Variants in ZNF18 observed in about 807,000 individuals in gnomAD.
The protein encoded by ZNF18 is heart development-specific gene 1 protein.
A neutral mutation model predicts 58.1 loss-of-function variants in ZNF18; 42 were observed. The observed-to-expected ratio is 0.72, with a 90% CI of 0.56 to 0.93. The LOEUF (loss-of-function observed/expected upper bound fraction) is 0.93. Among genes scored for constraint, ZNF18 ranks in the 40% least tolerant of loss-of-function variants. The pLI is 0.00. For synonymous variants in ZNF18, 231 were observed against 239.8 expected, an observed-to-expected ratio of 0.96 and a Z score of 0.34; for missense variants, 540 against 644.2, an observed-to-expected ratio of 0.84 and a Z score of 1.75.
chr17:12,004,478 T>TA, the ZNF18 span, among the ~76,000 whole-genome samples: 1 of 152,198 alleles, frequency 6.6e-6, no homozygotes, highest in Non-Finnish European at 1.5e-5. Context: ...ATAGCATAGT[T>TA]ACACTTCTAA....
upstream of ZNF18, among the ~76,000 whole-genome samples, chr17:11,999,981 C>T (rs1175920341): frequency 6.6e-6 from 1 of 152,096 alleles, no homozygotes. Flanking sequence ...CAATGTAGTG[C>T]CAGAATCTCA....
the ZNF18 span, among the ~76,000 whole-genome samples, chr17:12,008,440 T>G: frequency 1.1e-4 from 16 of 152,242 alleles, no homozygotes; most frequent in African/African-American, 3.9e-4. Context: ...GCTCAAGGGA[T>G]CCTCACGCCT....
chr17:12,014,828 A>T, the ZNF18 span, among the ~76,000 whole-genome samples: 2 of 152,178 alleles, frequency 1.3e-5, no homozygotes, highest in Non-Finnish European at 1.5e-5. Context: ...AGGCAGGCGG[A>T]TCACAAAGTC....
chr17:11,990,385 G>A, intron 4 of ZNF18, 77 bp downstream of exon 4: 1 of 1,250,894 alleles, frequency 8.0e-7, no homozygotes, highest in Admixed American at 2.1e-5. Flanking sequence ...GATGGAGAAT[G>A]GGGTGAAGAG....
rs1384994023 is a variant in ZNF18, at chr17:11,992,454, G to T, written c.376C>A (p.Leu126Met). 6.2e-7 allele frequency: 1 copy of T among 1,613,900 alleles called. No individual in the cohort carries two copies. Among genetic ancestry groups the T allele is most frequent in the Non-Finnish European group, 8.5e-7 (1 of 1,179,870 alleles). The change falls in exon 2 of 7, where the codon CTG becomes ATG. Residue 126 changes from leucine to methionine, a missense_variant. By Grantham distance (15) the Leu-to-Met change is conservative. Transcript: ENST00000580306. ...VESLKGDPQRLWQWISIQVLG... is the reference protein window; with the variant it reads ...VESLKGDPQRMWQWISIQVLG... Reference sequence around the variant, plus strand: ...TACCCTCTGCTTACCCATTGCCACAGTCTCTGGGGGTCCCCCTTCAAGCTT... The same window carrying T: ...TACCCTCTGCTTACCCATTGCCACATTCTCTGGGGGTCCCCCTTCAAGCTT...
At chr17:12,005,904 A>G in the ZNF18 span, among the ~76,000 whole-genome samples, 1 of 152,166 alleles carries the variant, frequency 6.6e-6, no homozygotes, top group Non-Finnish European at 1.5e-5. Context: ...TAGTCTCAAA[A>G]TACTTTTACT....
At chr17:11,990,120 C>T (rs530036818) in intron 4 of ZNF18, among the ~76,000 whole-genome samples, 1 of 152,076 alleles carries the variant, frequency 6.6e-6, no homozygotes, top group East Asian at 1.9e-4. Flanking sequence ...GAAAACCATA[C>T]ACCCACAGAG....
the ZNF18 span, chr17:12,021,252 T>A: frequency 1.1e-5 from 3 of 279,506 alleles, no homozygotes; most frequent in Non-Finnish European, 2.0e-5. Flanking sequence ...TACCGGGCTC[T>A]CAGCAGGCCC....
the ZNF18 span, chr17:12,021,087 C>T: frequency 1.2e-6 from 1 of 815,550 alleles, no homozygotes; most frequent in African/African-American, 1.8e-5. Context: ...CGCCCCCGGA[C>T]CCGGCTGAGG....
At chr17:12,014,279 C>A in the ZNF18 span, among the ~76,000 whole-genome samples, 1 of 152,180 alleles carries the variant, frequency 6.6e-6, no homozygotes, top group African/African-American at 2.4e-5. Context: ...CAGTTCCACT[C>A]CTATGTATAT....
At chr17:12,005,382 T>C in the ZNF18 span, among the ~76,000 whole-genome samples, 2 of 152,202 alleles carry the variant, frequency 1.3e-5, no homozygotes, top group Non-Finnish European at 2.9e-5. Context: ...GCTTTTCATT[T>C]TAAGCCCATC....
chr17:12,002,559 T>G, the ZNF18 span, among the ~76,000 whole-genome samples: 1 of 152,182 alleles, frequency 6.6e-6, no homozygotes, highest in Non-Finnish European at 1.5e-5. Flanking sequence ...AACTGAAAGC[T>G]GCAGACATTG....
chr17:11,994,820 G>A (rs972464686), intron 1 of ZNF18, among the ~76,000 whole-genome samples: 5 of 152,008 alleles, frequency 3.3e-5, no homozygotes, highest in Admixed American at 6.6e-5. Context: ...CAACCTGGGC[G>A]ACAGAGCGAG....
chr17:12,018,587 C>A, the ZNF18 span, among the ~76,000 whole-genome samples: 1 of 152,270 alleles, frequency 6.6e-6, no homozygotes, highest in East Asian at 1.9e-4. Context: ...AGGACTCCAA[C>A]ATGTAAATTT....
chr17:12,021,130 C>T, the ZNF18 span: 12 of 476,790 alleles, frequency 2.5e-5, no homozygotes, highest in Middle Eastern at 6.3e-4. Flanking sequence ...CTCCCTCTCT[C>T]CCTCCCCGGC....
chr17:12,003,908 G>A, the ZNF18 span, among the ~76,000 whole-genome samples: 3 of 152,204 alleles, frequency 2.0e-5, no homozygotes, highest in Non-Finnish European at 2.9e-5. Flanking sequence ...ATAAGGGAAC[G>A]TGAGGAGGCC....
At chr17:12,020,064 T>A in the ZNF18 span, among the ~76,000 whole-genome samples, 3 of 152,230 alleles carry the variant, frequency 2.0e-5, no homozygotes, top group Non-Finnish European at 4.4e-5. Context: ...CTCATATTGT[T>A]TTTTGGGGTT....
intron 6 of ZNF18, among the ~76,000 whole-genome samples, chr17:11,980,772 T>G (rs1041075315): frequency 6.6e-6 from 1 of 152,218 alleles, no homozygotes; most frequent in Non-Finnish European, 1.5e-5. Context: ...CTCCCTTTTC[T>G]GTTCTATTGA....
At chr17:11,998,941 G>T (rs925116175), upstream of ZNF18, among the ~76,000 whole-genome samples, 5 of 150,468 alleles carry the variant, frequency 3.3e-5, no homozygotes, top group South Asian at 4.2e-4. Context: ...CTCCCAAAGT[G>T]CTGGGATTAC....
Sources: gnomAD v4.1 joint callset for allele counts (sites outside exome capture counted in the v4.1 genomes callset) on GRCh38, gnomAD v4.1.1 for gene constraint, MANE v1.5 for transcripts, NCBI Gene and HGNC (gene_info 2026-07-23, HGNC 2026-07-21) for gene names.